The following BFSP2 variants were observed in gnomAD, a reference collection of about 807,000 sequenced individuals.
The protein encoded by BFSP2 is beaded filament structural protein 2, also known as phakinin.
BFSP2 carries 38 observed loss-of-function variants against 44.9 expected under a neutral mutation model. The ratio of observed to expected loss-of-function variants is 0.85; its 90% CI spans 0.65 to 1.11. The LOEUF is 1.11. Among genes scored for constraint, BFSP2 ranks in the 50% least tolerant of loss-of-function variants. The probability of loss-of-function intolerance (pLI) is 0.00; values close to 1 mark genes in which losing one functional copy is unlikely to be tolerated. For missense variants in BFSP2, 525 were observed against 533.0 expected (o/e 0.99, Z 0.15); for synonymous variants, 197 against 209.9 (o/e 0.94, Z 0.53).
intron 1 of BFSP2, among the ~76,000 whole-genome samples, chr3:133,424,734 C>A (rs1297331098): frequency 6.6e-6 from 1 of 152,218 alleles, no homozygotes; most frequent in Non-Finnish European, 1.5e-5. Context: ...CTCCTGGATT[C>A]AAGCAATTCT....
At position 133,447,392 on chromosome 3, in the gene BFSP2, A is replaced by G; in HGVS notation, c.565A>G (p.Lys189Glu). The change falls in exon 2 of 7, where the codon AAA becomes GAA. Residue 189 changes from lysine to glutamate, a missense_variant. Lys to Glu is a moderately conservative substitution (Grantham distance 56). Transcript: ENST00000302334. ...TATCCAGGCCGGAGCAGATGACTTT[A>G]AAGAGAGGTAATGTCTTACAGCAGA... The part of the protein sequence containing the change: ...ETIQAGADDF[K>E]ERYENEQPFR... 1.9e-6 allele frequency: 3 copies of G among 1,613,912 alleles called. No individual in the cohort carries two copies. Among genetic ancestry groups the G allele is most frequent in the African/African-American group, 2.7e-5 (2 of 74,998 alleles).
At chr3:133,413,300 C>A (rs1330910389) in intron 1 of BFSP2, among the ~76,000 whole-genome samples, 1 of 151,966 alleles carries the variant, frequency 6.6e-6, no homozygotes, top group African/African-American at 2.4e-5. Flanking sequence ...TTTCTACTGA[C>A]GTGTCCCGGT....
At chr3:133,460,478 G>A (rs1362138586) in intron 4 of BFSP2, among the ~76,000 whole-genome samples, 2 of 152,188 alleles carry the variant, frequency 1.3e-5, no homozygotes, top group Admixed American at 6.5e-5. Flanking sequence ...GGCTGGTCTT[G>A]AACTACTGGC....
chr3:133,409,522 G>A (rs1380346064), intron 1 of BFSP2, among the ~76,000 whole-genome samples: 1 of 152,056 alleles, frequency 6.6e-6, no homozygotes, highest in Non-Finnish European at 1.5e-5. Context: ...CTCAGATTTG[G>A]GTCTCTAACA....
intron 1 of BFSP2, among the ~76,000 whole-genome samples, chr3:133,426,857 G>C (rs1240407925): frequency 2.6e-5 from 4 of 152,194 alleles, no homozygotes; most frequent in African/African-American, 9.6e-5. Flanking sequence ...GTACAGGGCA[G>C]AGAGAGAGAA....
intron 1 of BFSP2, among the ~76,000 whole-genome samples, chr3:133,437,300 G>T (rs993049303): frequency 2.0e-5 from 3 of 152,172 alleles, no homozygotes; most frequent in Non-Finnish European, 4.4e-5. Flanking sequence ...CAAGGAGGCA[G>T]ATCACCTGAG....
intron 1 of BFSP2, among the ~76,000 whole-genome samples, chr3:133,414,984 CT>C: frequency 7.0e-6 from 1 of 142,356 alleles, no homozygotes; most frequent in Non-Finnish European, 1.5e-5. Context: ...GCCATCTCTC[CT>C]CTACTCACCC....
At chr3:133,446,800 A>T (rs2073905822) in intron 1 of BFSP2, among the ~76,000 whole-genome samples, 1 of 150,590 alleles carries the variant, frequency 6.6e-6, no homozygotes, top group African/African-American at 2.4e-5. Flanking sequence ...GTTTTGGGGG[A>T]GACGAAACTC....
intron 1 of BFSP2, among the ~76,000 whole-genome samples, chr3:133,420,270 T>C (rs2107893344): frequency 6.6e-6 from 1 of 152,300 alleles, no homozygotes; most frequent in African/African-American, 2.4e-5. Context: ...AAGAAAGGCT[T>C]GTTCTGCATT....
chr3:133,441,658 G>C (rs1421800376), intron 1 of BFSP2, among the ~76,000 whole-genome samples: 2 of 152,106 alleles, frequency 1.3e-5, no homozygotes, highest in African/African-American at 4.8e-5. Flanking sequence ...CTACTGCTGG[G>C]CTCATTAATT....
chr3:133,424,653 T>G (rs1405460520), intron 1 of BFSP2, among the ~76,000 whole-genome samples: 1 of 151,880 alleles, frequency 6.6e-6, no homozygotes, highest in Non-Finnish European at 1.5e-5. Context: ...TTATTGTTTT[T>G]GAGACAGAGT....
intron 1 of BFSP2, among the ~76,000 whole-genome samples, chr3:133,437,905 G>A (rs1044435859): frequency 3.9e-5 from 6 of 152,202 alleles, no homozygotes; most frequent in South Asian, 4.1e-4. Flanking sequence ...CACCTACATC[G>A]TAATTCTTAG....
chr3:133,448,877 A>G (rs1035516739), intron 3 of BFSP2: 9 of 556,662 alleles, frequency 1.6e-5, no homozygotes, highest in African/African-American at 1.5e-4. Flanking sequence ...GAAACAGGGG[A>G]AGGCAGCCAG....
intron 1 of BFSP2, among the ~76,000 whole-genome samples, chr3:133,404,503 C>T (rs892458507): frequency 7.9e-5 from 12 of 152,296 alleles, no homozygotes; most frequent in Admixed American, 2.6e-4. Context: ...CATGGTACAT[C>T]GGTCCAATGG....
intron 4 of BFSP2, among the ~76,000 whole-genome samples, chr3:133,454,412 C>T (rs992083687): frequency 1.3e-5 from 2 of 152,184 alleles, no homozygotes; most frequent in South Asian, 4.1e-4. Context: ...CCACACCAAG[C>T]AGATCTCCAA....
intron 1 of BFSP2, among the ~76,000 whole-genome samples, chr3:133,440,312 G>A (rs944190905): frequency 5.0e-4 from 76 of 152,250 alleles, no homozygotes; most frequent in African/African-American, 1.6e-3. Context: ...ATGAGATTTG[G>A]GTGGGGATAC....
chr3:133,464,101 C>T (rs1345962064), intron 4 of BFSP2, among the ~76,000 whole-genome samples: 2 of 152,130 alleles, frequency 1.3e-5, no homozygotes, highest in African/African-American at 4.8e-5. Context: ...TGCCTCCTAC[C>T]TACCTACACA....
At chr3:133,402,584 T>C (rs558519463) in intron 1 of BFSP2, among the ~76,000 whole-genome samples, 1 of 151,932 alleles carries the variant, frequency 6.6e-6, no homozygotes, top group Admixed American at 6.5e-5. Context: ...TCTTCTTTTT[T>C]AAAAAATCAT....
At chr3:133,414,978 TCTCTC>T (rs1433301760) in intron 1 of BFSP2, among the ~76,000 whole-genome samples, 1 of 99,894 alleles carries the variant, frequency 1.0e-5, no homozygotes, top group African/African-American at 4.2e-5. Context: ...ACCCCTGCCA[TCTCTC>T]CTCTACTCAC....
Sources: gnomAD v4.1 joint callset for allele counts (sites outside exome capture counted in the v4.1 genomes callset) on GRCh38, gnomAD v4.1.1 for gene constraint, MANE v1.5 for transcripts, NCBI Gene and HGNC (gene_info 2026-07-23, HGNC 2026-07-21) for gene names.